The following NPEPPS variants were observed in gnomAD, a reference collection of about 807,000 sequenced individuals.
NPEPPS encodes puromycin-sensitive aminopeptidase.
NPEPPS carries 14 observed loss-of-function variants against 115.5 expected under a neutral mutation model. The observed-to-expected ratio is 0.12, with a 90% CI of 0.08 to 0.19. The LOEUF (loss-of-function observed/expected upper bound fraction) is 0.19, where lower values mean the gene tolerates loss of function less well. Among genes scored for constraint, NPEPPS ranks in the 10% least tolerant of loss-of-function variants. The pLI, the probability that NPEPPS is intolerant of heterozygous loss-of-function variation, is 1.00. For missense variants in NPEPPS, 523 were observed against 1,110.8 expected, an observed-to-expected ratio of 0.47 and a Z score of 7.52; for synonymous variants, 285 against 390.6, an observed-to-expected ratio of 0.73 and a Z score of 3.19.
Position 47,622,661 on chromosome 17 carries a change from A to C in NPEPPS, c.*741A>C. 3.1e-6 allele frequency: 1 copy of C among 322,986 alleles called. No individual in the cohort carries two copies. The highest frequency in any genetic ancestry group is 2.7e-5 in the South Asian group (1 of 37,346). 20.0% of individuals were successfully genotyped at this position (322,986 alleles called of 1,614,324 possible). A position where few individuals can be genotyped will look rare whatever the true frequency, so the allele number is the denominator to read the frequency against. On this transcript the variant is annotated 3_prime_UTR_variant, in exon 23 of 23. Transcript: ENST00000322157. ...GTGTCCTTCTTAGAGATGAAGAAATAATAAGGAAACATCTTTCATAGCCAC... is the reference window on the plus strand; with the variant it reads ...GTGTCCTTCTTAGAGATGAAGAAATCATAAGGAAACATCTTTCATAGCCAC...
intron 13 of NPEPPS, 112 bp from the exon 14 acceptor site, chr17:47,599,564 T>G (rs747183012): frequency 5.2e-6 from 4 of 764,250 alleles, no homozygotes; most frequent in Non-Finnish European, 8.9e-6. Context: ...GACATTTGGT[T>G]GTGCTCGTTC....
intron 9 of NPEPPS, among the ~76,000 whole-genome samples, chr17:47,588,991 A>G (rs146844528): frequency 6.6e-6 from 1 of 152,176 alleles, no homozygotes; most frequent in Admixed American, 6.5e-5. Context: ...ATCATGGTTC[A>G]TTACAGTCTT....
chr17:47,523,961 C>G (rs1165426384), intron 1 of NPEPPS, among the ~76,000 whole-genome samples: 1 of 151,950 alleles, frequency 6.6e-6, no homozygotes, highest in Non-Finnish European at 1.5e-5. Flanking sequence ...GCTAGAATGA[C>G]TGATTGTTTT....
chr17:47,588,169 G>A (rs940516462), intron 9 of NPEPPS, among the ~76,000 whole-genome samples: 2 of 152,326 alleles, frequency 1.3e-5, no homozygotes, highest in East Asian at 1.9e-4. Context: ...CAACTATTAC[G>A]TGTCTCAGAG....
chr17:47,612,510 G>A lies in NPEPPS; in HGVS notation c.2146G>A (p.Ala716Thr). 1 of 1,613,962 alleles carries A rather than the reference G, an allele frequency of 6.2e-7. No individual in the cohort carries two copies. Among genetic ancestry groups the A allele is most frequent in the Non-Finnish European group, 8.5e-7 (1 of 1,179,868 alleles). Residue 716 changes from alanine to threonine, a missense_variant, in exon 18 of 23, where the codon GCA becomes ACA. Physicochemically the swap from Ala to Thr is moderately conservative, Grantham distance 58 (BLOSUM62 0). Coordinates refer to ENST00000322157, the MANE Select transcript of NPEPPS (RefSeq NM_006310.4). ...RGLVLGKLGK[A>T]GHKATLEEAR... ...CTTGGTTCTGGGAAAACTAGGAAAA[G>A]CAGGACATAAGGCAACGTTAGAAGA...
chr17:47,571,642 C>A (rs1475313300), intron 3 of NPEPPS, among the ~76,000 whole-genome samples: 1 of 152,062 alleles, frequency 6.6e-6, no homozygotes, highest in Admixed American at 6.6e-5. Context: ...GGCGTGAACC[C>A]GGGAGGTGGA....
chr17:47,617,716 A>G (rs568020786), intron 19 of NPEPPS, among the ~76,000 whole-genome samples: 10 of 152,310 alleles, frequency 6.6e-5, no homozygotes, highest in African/African-American at 2.4e-4. Context: ...AACATTAGCC[A>G]GATATCAATG....
chr17:47,599,520 G>A (rs909592128), intron 13 of NPEPPS, among the ~76,000 whole-genome samples, 156 bp from the exon 14 acceptor site: 4 of 152,078 alleles, frequency 2.6e-5, no homozygotes, highest in South Asian at 2.1e-4. Context: ...TAGTATTACC[G>A]TCTTCATCAC....
chr17:47,532,738 T>G (rs1907911659), intron 1 of NPEPPS, among the ~76,000 whole-genome samples: 1 of 151,834 alleles, frequency 6.6e-6, no homozygotes, highest in Non-Finnish European at 1.5e-5. Flanking sequence ...TCCATTACTC[T>G]TCACTGCAGT....
intron 2 of NPEPPS, among the ~76,000 whole-genome samples, chr17:47,560,475 C>A (rs117600348): frequency 0.012 from 1,829 of 152,190 alleles, 24 homozygotes; most frequent in Middle Eastern, 0.02. Context: ...ATATGAAATC[C>A]ATTTGAAAAT....
intron 14 of NPEPPS, 29 bp from the exon 15 acceptor site, chr17:47,601,579 C>T (rs1346987492): frequency 1.2e-6 from 2 of 1,612,490 alleles, no homozygotes; most frequent in Non-Finnish European, 1.7e-6. Context: ...TGTCCCAGTG[C>T]AAAATTTGTT....
chr17:47,619,514 A>G (rs1402037021), intron 21 of NPEPPS: 2 of 548,878 alleles, frequency 3.6e-6, no homozygotes, highest in Non-Finnish European at 3.3e-6. Context: ...AGATGAGGTC[A>G]TTGCACTCCA....
intron 3 of NPEPPS, among the ~76,000 whole-genome samples, chr17:47,578,474 A>T (rs1244678681): frequency 6.6e-6 from 1 of 151,894 alleles, no homozygotes; most frequent in Non-Finnish European, 1.5e-5. Flanking sequence ...GAATGGGATT[A>T]CTGTTTTGCC....
intron 2 of NPEPPS, among the ~76,000 whole-genome samples, chr17:47,568,109 A>G (rs1910944030): frequency 6.6e-6 from 1 of 151,498 alleles, no homozygotes; most frequent in Admixed American, 6.6e-5. Context: ...CACCATTTAC[A>G]TTCCCATTAG....
At chr17:47,566,497 GGTTTTTT>G (rs1347579749) in intron 2 of NPEPPS, among the ~76,000 whole-genome samples, 1 of 147,796 alleles carries the variant, frequency 6.8e-6, no homozygotes, top group Non-Finnish European at 1.5e-5. Context: ...AACAGCTGTA[GGTTTTTT>G]GTTTTTTTTT....
In NPEPPS at chr17:47,556,389, C is replaced by G. The variant is rs374274715; in HGVS notation, c.340+10396C>G. 1.2e-3 allele frequency among the ~76,000 whole-genome samples: 187 copies of G among 151,990 alleles called. No homozygotes were observed. In the South Asian group the frequency reaches 0.02, roughly 16 times the overall value. ...ACACAGCACATGTTTCAGAGAGCAC[C>G]GGGTTGGGGGTAAGGTCATAGATCA... On this transcript the variant is annotated intron_variant, in intron 2 of 22. Coordinates refer to ENST00000322157, the MANE Select transcript of NPEPPS (RefSeq NM_006310.4).
rs144891728 is a variant in NPEPPS, at chr17:47,599,303, A to G, written c.1537-373A>G. Among the ~76,000 whole-genome samples, 880 of 152,224 alleles carry G rather than the reference A, an allele frequency of 5.8e-3. 5 individuals are homozygous for G. Among genetic ancestry groups the G allele is most frequent in the African/African-American group, 0.017 (707 of 41,544 alleles). ...ACTTAAATTTTTTCTTAGTTTTTCA[A>G]TTCTATTTCTTGCAGTAAGTTTATC... On this transcript the variant is annotated intron_variant, in intron 13 of 22. Transcript: ENST00000322157.
At chr17:47,556,996 CAAAG>C (rs1489669753) in intron 2 of NPEPPS, among the ~76,000 whole-genome samples, 2 of 152,086 alleles carry the variant, frequency 1.3e-5, no homozygotes, top group Non-Finnish European at 2.9e-5. Context: ...CTTTTTTTCT[CAAAG>C]AACTAACCAT....
At chr17:47,615,173 G>T (rs535012684) in intron 19 of NPEPPS, among the ~76,000 whole-genome samples, 2 of 149,378 alleles carry the variant, frequency 1.3e-5, no homozygotes, top group Admixed American at 1.4e-4. Flanking sequence ...TGCCTCCCGG[G>T]TTCACGTGAT....
Sources: allele counts gnomAD v4.1 joint callset (sites outside exome capture counted in the v4.1 genomes callset), GRCh38; gene constraint gnomAD v4.1.1; transcripts MANE v1.5; gene names NCBI Gene and HGNC (gene_info 2026-07-23, HGNC 2026-07-21).